The following RNF13 variants were observed in gnomAD, a reference collection of about 807,000 sequenced individuals.
RNF13 encodes the protein ring finger protein 13.
In RNF13, 19 loss-of-function variants were observed where a neutral mutation model predicts 37.7. The observed-to-expected ratio is 0.50, with a 90% CI of 0.35 to 0.74. The LOEUF is 0.74. Ranked by LOEUF, RNF13 falls within the 30% of genes least tolerant of loss-of-function variation. RNF13 has a pLI of 0.01. For synonymous variants in RNF13, 144 were observed against 157.8 expected, an observed-to-expected ratio of 0.91 and a Z score of 0.65; for missense variants, 375 against 453.0, an observed-to-expected ratio of 0.83 and a Z score of 1.56.
intron 7 of RNF13, among the ~76,000 whole-genome samples, chr3:149,917,151 A>G (rs969904786): frequency 1.3e-5 from 2 of 152,112 alleles, no homozygotes; most frequent in African/African-American, 4.8e-5. Flanking sequence ...CTGACACTTT[A>G]GGAAGGGCAA....
chr3:149,891,846 AT>A (rs780499514), intron 4 of RNF13, among the ~76,000 whole-genome samples: 9 of 152,230 alleles, frequency 5.9e-5, no homozygotes, highest in Non-Finnish European at 1.3e-4. Flanking sequence ...TTACTAAATG[AT>A]TTAACATTTA....
At chr3:149,944,368 T>G (rs1720565343) in intron 8 of RNF13, among the ~76,000 whole-genome samples, 1 of 152,156 alleles carries the variant, frequency 6.6e-6, no homozygotes, top group African/African-American at 2.4e-5. Flanking sequence ...GTATTTCTAG[T>G]TCTAGATCCT....
intron 3 of RNF13, among the ~76,000 whole-genome samples, chr3:149,853,588 T>G (rs963425900): frequency 2.6e-5 from 4 of 152,044 alleles, no homozygotes. Context: ...AGTATCAATT[T>G]ATTGTTTGCC....
At chr3:149,823,853 A>G (rs1300993890) in intron 1 of RNF13, among the ~76,000 whole-genome samples, 1 of 152,220 alleles carries the variant, frequency 6.6e-6, no homozygotes, top group East Asian at 1.9e-4. Context: ...CTACGGAGTT[A>G]AAGTTGTAAA....
At chr3:149,842,283 A>G (rs974930089) in intron 1 of RNF13, among the ~76,000 whole-genome samples, 1 of 152,166 alleles carries the variant, frequency 6.6e-6, no homozygotes, top group East Asian at 1.9e-4. Flanking sequence ...CACAAATACT[A>G]AGTTCAGAAA....
At position 149,840,799 on chromosome 3, in the gene RNF13, GA is replaced by G. The variant is rs201466880; in HGVS notation, c.-16-5211del. ...TAGCTTGGTAGGAGGTAGGAGGATA[GA>G]GACTGGGAGCACAACATATCAACAT... On this transcript the variant is annotated intron_variant, in intron 1 of 9. Transcript: ENST00000392894. Among the ~76,000 whole-genome samples the G allele has an allele frequency of 1.7e-3, 252 of 152,318 alleles. 5 individuals carry two copies. The East Asian group carries it at 0.045, about 27-fold the overall frequency.
intron 8 of RNF13, among the ~76,000 whole-genome samples, chr3:149,922,378 A>AAATG (rs373371501): frequency 5.2e-4 from 79 of 152,340 alleles, no homozygotes; most frequent in African/African-American, 1.8e-3. Flanking sequence ...ATGAATAAAT[A>AAATG]AATGAATGAA....
At chr3:149,953,165 T>C (rs1449872681) in intron 8 of RNF13, among the ~76,000 whole-genome samples, 2 of 152,178 alleles carry the variant, frequency 1.3e-5, no homozygotes, top group East Asian at 1.9e-4. Flanking sequence ...CCAAAGTGGA[T>C]ATCAATTCCT....
At chr3:149,949,197 T>C (rs1721065003) in intron 8 of RNF13, among the ~76,000 whole-genome samples, 2 of 152,176 alleles carry the variant, frequency 1.3e-5, no homozygotes, top group Admixed American at 6.5e-5. Context: ...TTGTAGGTGC[T>C]CTTTTAGAAT....
intron 2 of RNF13, 91 bp downstream of exon 2, chr3:149,846,231 TA>T: frequency 1.3e-6 from 1 of 787,702 alleles, no homozygotes; most frequent in Non-Finnish European, 2.1e-6. Flanking sequence ...GACATTGTTA[TA>T]AGACATTTTT....
intron 6 of RNF13, among the ~76,000 whole-genome samples, chr3:149,910,924 C>T (rs1029229578): frequency 3.3e-5 from 5 of 152,084 alleles, no homozygotes; most frequent in Admixed American, 2.6e-4. Flanking sequence ...TTTCATGGGT[C>T]CCTGTCAATT....
chr3:149,881,880 T>C (rs1416119326), intron 4 of RNF13, among the ~76,000 whole-genome samples: 2 of 152,212 alleles, frequency 1.3e-5, no homozygotes, highest in Admixed American at 1.3e-4. Flanking sequence ...AAACATGCCT[T>C]TGTACCACCA....
intron 8 of RNF13, among the ~76,000 whole-genome samples, chr3:149,924,315 G>A (rs1462526132): frequency 2.6e-5 from 4 of 152,128 alleles, no homozygotes; most frequent in African/African-American, 7.2e-5. Flanking sequence ...TAAGAGAGAG[G>A]TCTGAACTGG....
intron 3 of RNF13, among the ~76,000 whole-genome samples, chr3:149,852,991 C>G (rs1056052361): frequency 6.6e-6 from 1 of 151,590 alleles, no homozygotes; most frequent in African/African-American, 2.4e-5. Context: ...GGTTACCTGC[C>G]TTTTTCTTTT....
intron 4 of RNF13, among the ~76,000 whole-genome samples, chr3:149,876,279 T>C (rs987023665): frequency 2.0e-5 from 3 of 152,218 alleles, no homozygotes; most frequent in Non-Finnish European, 2.9e-5. Flanking sequence ...TTCTATCTTA[T>C]GTGTGAATGA....
intron 4 of RNF13, among the ~76,000 whole-genome samples, chr3:149,887,937 TTGAACA>T (rs1267383329): frequency 2.0e-5 from 3 of 152,226 alleles, no homozygotes; most frequent in Admixed American, 6.5e-5. Context: ...AAGTTCATAC[TTGAACA>T]TGAAAGTTGA....
At chr3:149,929,301 T>A (rs1179780927) in intron 8 of RNF13, among the ~76,000 whole-genome samples, 1 of 152,150 alleles carries the variant, frequency 6.6e-6, no homozygotes, top group Non-Finnish European at 1.5e-5. Context: ...AGATGCCAGA[T>A]GCTTATAAAA....
chr3:149,927,222 G>A (rs768991978), intron 8 of RNF13, among the ~76,000 whole-genome samples: 15 of 152,128 alleles, frequency 9.9e-5, no homozygotes, highest in Non-Finnish European at 2.1e-4. Context: ...GGTACCTCAC[G>A]TAAGTGGAAT....
intron 3 of RNF13, among the ~76,000 whole-genome samples, chr3:149,861,724 T>C (rs950166521): frequency 6.6e-6 from 1 of 151,968 alleles, no homozygotes; most frequent in African/African-American, 2.4e-5. Flanking sequence ...GATAACAGAG[T>C]AGGGTGACTA....
Sources: gnomAD v4.1 joint callset for allele counts (sites outside exome capture counted in the v4.1 genomes callset) on GRCh38, gnomAD v4.1.1 for gene constraint, MANE v1.5 for transcripts, NCBI Gene and HGNC (gene_info 2026-07-23, HGNC 2026-07-21) for gene names.